Variants in CLEC12A observed in about 807,000 individuals in gnomAD.
CLEC12A encodes C-type lectin domain family 12 member A.
CLEC12A carries 22 observed loss-of-function variants against 26.5 expected under a neutral mutation model. The ratio of observed to expected loss-of-function variants is 0.83; its 90% CI spans 0.59 to 1.19. The LOEUF (loss-of-function observed/expected upper bound fraction) is 1.19, where lower values mean the gene tolerates loss of function less well. Among genes scored for constraint, CLEC12A ranks in the 50% most tolerant of loss-of-function variants. The pLI is 0.00. For missense variants in CLEC12A, 353 were observed against 315.6 expected, an observed-to-expected ratio of 1.12 and a Z score of -0.90; for synonymous variants, 119 against 101.9, an observed-to-expected ratio of 1.17 and a Z score of -1.01.
Position 9,982,049 on chromosome 12 carries a change from T to C in CLEC12A, c.561T>C (p.Tyr187=). The change falls in exon 5 of 6, where the codon TAT becomes TAC. Residue 187 remains tyrosine, a synonymous_variant. Coordinates refer to ENST00000304361, the MANE Select transcript of CLEC12A (RefSeq NM_138337.6). Reference sequence around the variant, plus strand: ...TTATAAAATCCCAGAGTAGATCATATGACTATTGGCTGGGATTATCTCCTG... The same window carrying C: ...TTATAAAATCCCAGAGTAGATCATACGACTATTGGCTGGGATTATCTCCTG... ...LEFIKSQSRS[Y]DYWLGLSPEE... 1.3e-6 allele frequency: 2 copies of C among 1,591,718 alleles called. No homozygotes were observed. Among genetic ancestry groups the C allele is most frequent in the Non-Finnish European group, 1.7e-6 (2 of 1,160,636 alleles).
upstream of CLEC12A, among the ~76,000 whole-genome samples, chr12:9,968,737 C>A (rs945131702): frequency 6.6e-6 from 1 of 152,164 alleles, no homozygotes; most frequent in African/African-American, 2.4e-5. Context: ...GATAATGTAT[C>A]ACTTATGTTT....
At position 9,984,937 on chromosome 12, in the gene CLEC12A, T is replaced by A; in HGVS notation, c.709T>A (p.Tyr237Asn). 1 of 1,581,210 alleles carries A rather than the reference T, an allele frequency of 6.3e-7. No homozygotes were observed. The change falls in exon 6 of 6, where the codon TAT becomes AAT. Residue 237 changes from tyrosine (Y) to asparagine (N), a missense_variant. Coordinates refer to ENST00000304361, the MANE Select transcript of CLEC12A (RefSeq NM_138337.6). Reference sequence around the variant, plus strand: ...ATATATAAATAGACTATATGTTCAATATTATCACTGCACTTATAAAAAAAG... The same window carrying A: ...ATATATAAATAGACTATATGTTCAAAATTATCACTGCACTTATAAAAAAAG... ...CGYINRLYVQ[Y>N]YHCTYKKRMI...
intron 1 of CLEC12A, among the ~76,000 whole-genome samples, chr12:9,954,516 A>C (rs919784154): frequency 5.9e-5 from 9 of 152,282 alleles, no homozygotes; most frequent in Non-Finnish European, 1.0e-4. Flanking sequence ...TCAAACTATC[A>C]TGGAAACTGC....
At chr12:9,951,679 G>T in intron 1 of CLEC12A, 1 of 352,456 alleles carries the variant, frequency 2.8e-6, no homozygotes, top group Non-Finnish European at 5.4e-6. Context: ...CTTGGGACTT[G>T]CTTATTGTTG....
chr12:9,968,821 G>A (rs961706075), upstream of CLEC12A, among the ~76,000 whole-genome samples: 3 of 152,116 alleles, frequency 2.0e-5, no homozygotes, highest in African/African-American at 7.2e-5. Flanking sequence ...ATTGATATAG[G>A]TTGATTTCAT....
At chr12:9,990,018 G>A (rs1483769086), downstream of CLEC12A, among the ~76,000 whole-genome samples, 2 of 151,598 alleles carry the variant, frequency 1.3e-5, no homozygotes, top group Non-Finnish European at 2.9e-5. Flanking sequence ...TAAGCCCATT[G>A]TTGAGAAACA....
intron 1 of CLEC12A, among the ~76,000 whole-genome samples, chr12:9,977,410 C>A (rs1236125814): frequency 6.6e-6 from 1 of 152,216 alleles, no homozygotes; most frequent in Non-Finnish European, 1.5e-5. Flanking sequence ...AATGTCTCCT[C>A]CTTGTTATTT....
intron 5 of CLEC12A, chr12:9,983,469 A>C: frequency 1.4e-6 from 1 of 690,246 alleles, no homozygotes; most frequent in Non-Finnish European, 2.6e-6. Flanking sequence ...AAAAGTCTTT[A>C]CATATAAAAA....
At chr12:9,993,770 A>T (rs1864956748) in intron 4 of CLEC12A, among the ~76,000 whole-genome samples, 1 of 152,128 alleles carries the variant, frequency 6.6e-6, no homozygotes, top group Non-Finnish European at 1.5e-5. Flanking sequence ...ATCATCTAAC[A>T]CAGCAGGCTG....
intron 4 of CLEC12A, chr12:9,991,671 A>G (rs1329306732): frequency 6.6e-6 from 1 of 152,132 alleles, no homozygotes; most frequent in Non-Finnish European, 1.5e-5. Flanking sequence ...TAAAGATTCA[A>G]GTGTCTTTCA....
At chr12:9,989,047 G>T (rs570179146), downstream of CLEC12A, among the ~76,000 whole-genome samples, 1 of 152,220 alleles carries the variant, frequency 6.6e-6, no homozygotes, top group African/African-American at 2.4e-5. Flanking sequence ...AAAAGGATGA[G>T]TTCATGTCCT....
At chr12:9,970,493 AT>A (rs1485894087), upstream of CLEC12A, among the ~76,000 whole-genome samples, 1 of 152,210 alleles carries the variant, frequency 6.6e-6, no homozygotes, top group East Asian at 1.9e-4. Flanking sequence ...TTAAAGTAAG[AT>A]TTACTAACGA....
chr12:9,964,432 G>T (rs928305513), intron 1 of CLEC12A, among the ~76,000 whole-genome samples: 3 of 152,158 alleles, frequency 2.0e-5, no homozygotes, highest in Non-Finnish European at 4.4e-5. Flanking sequence ...TAGTGTGGTG[G>T]AGATAGCTGG....
At chr12:9,994,574 A>C (rs1050156103) in intron 4 of CLEC12A, among the ~76,000 whole-genome samples, 4 of 152,120 alleles carry the variant, frequency 2.6e-5, no homozygotes, top group Non-Finnish European at 5.9e-5. Context: ...ACTCAATGCA[A>C]TCAGTCCCTT....
intron 1 of CLEC12A, among the ~76,000 whole-genome samples, chr12:9,974,183 T>A (rs1224661850): frequency 6.6e-6 from 1 of 152,176 alleles, no homozygotes; most frequent in Non-Finnish European, 1.5e-5. Flanking sequence ...ATTGAAAAAG[T>A]TGAACAGTCC....
chr12:9,967,149 C>T (rs777323196), upstream of CLEC12A, among the ~76,000 whole-genome samples: 10 of 150,902 alleles, frequency 6.6e-5, no homozygotes, highest in Admixed American at 4.0e-4. Context: ...GGTGAGGAGG[C>T]GAGAGGTCAC....
chr12:9,986,142 T>A, downstream of CLEC12A: 1 of 455,442 alleles, frequency 2.2e-6, no homozygotes, highest in Non-Finnish European at 4.4e-6. Flanking sequence ...CTTCAAAATA[T>A]CATGATTTGG....
chr12:9,971,327 GA>G, upstream of CLEC12A: 1 of 898,362 alleles, frequency 1.1e-6, no homozygotes. Context: ...TAGAAATTGA[GA>G]AAAAGGAAGA....
At chr12:9,965,132 AG>A (rs1313479735) in intron 1 of CLEC12A, among the ~76,000 whole-genome samples, 1 of 152,216 alleles carries the variant, frequency 6.6e-6, no homozygotes, top group African/African-American at 2.4e-5. Flanking sequence ...GGCCTCTAAA[AG>A]TATTAAAGCA....
Sources: allele counts gnomAD v4.1 joint callset (sites outside exome capture counted in the v4.1 genomes callset), GRCh38; gene constraint gnomAD v4.1.1; transcripts MANE v1.5; gene names NCBI Gene and HGNC (gene_info 2026-07-23, HGNC 2026-07-21).